The following ZNF670 variants were observed in gnomAD, a reference collection of about 807,000 sequenced individuals.
The protein encoded by ZNF670 is zinc finger protein 670.
A neutral mutation model predicts 10.9 loss-of-function variants in ZNF670; 7 were observed. The ratio of observed to expected loss-of-function variants is 0.64; its 90% CI spans 0.36 to 1.20. The LOEUF is 1.20. ZNF670 is among the 50% of genes most tolerant of loss of function. The pLI is 0.02. For synonymous variants in ZNF670, 136 were observed against 152.7 expected (o/e 0.89, Z 0.81); for missense variants, 446 against 458.6 (o/e 0.97, Z 0.25).
chr1:247,057,571 T>TG (rs1572565379), intron 1 of ZNF670, among the ~76,000 whole-genome samples: 1 of 152,164 alleles, frequency 6.6e-6, no homozygotes, highest in African/African-American at 2.4e-5. Context: ...AGCCAAGATT[T>TG]GGAAGCAACC....
intron 1 of ZNF670, among the ~76,000 whole-genome samples, chr1:247,075,025 T>C (rs915956659): frequency 2.0e-5 from 3 of 152,162 alleles, no homozygotes; most frequent in Non-Finnish European, 2.9e-5. Flanking sequence ...CTTCTCTCAA[T>C]ATAAAGAGCT....
chr1:247,056,377 C>G (rs1469849186), intron 1 of ZNF670, among the ~76,000 whole-genome samples: 1 of 152,140 alleles, frequency 6.6e-6, no homozygotes, highest in African/African-American at 2.4e-5. Flanking sequence ...AATAACAAGA[C>G]AACTTTTGTA....
At chr1:247,074,607 T>G (rs1671211316) in intron 1 of ZNF670, among the ~76,000 whole-genome samples, 1 of 152,186 alleles carries the variant, frequency 6.6e-6, no homozygotes, top group Admixed American at 6.6e-5. Context: ...AACACAGATT[T>G]TCCATGGATG....
rs181554535 is a variant in ZNF670 at position 247,049,160 on chromosome 1, G to A, written c.4-9623C>T. Reference sequence around the variant, plus strand: ...GTCATCCAGGCTGGAGTGCAGTGGTGCAATCTCAGCTCACTGCAACCTCCA... The same window carrying A: ...GTCATCCAGGCTGGAGTGCAGTGGTACAATCTCAGCTCACTGCAACCTCCA... On this transcript the variant is annotated intron_variant, in intron 1 of 3. Transcript: ENST00000366503. Among the ~76,000 whole-genome samples, 960 of 146,084 alleles carry A rather than the reference G, an allele frequency of 6.6e-3. 17 individuals carry two copies. Among genetic ancestry groups the A allele is most frequent in the African/African-American group, 0.023 (895 of 39,148 alleles).
chr1:247,045,504 G>A (rs886937519), intron 1 of ZNF670, among the ~76,000 whole-genome samples: 4 of 152,136 alleles, frequency 2.6e-5, no homozygotes, highest in African/African-American at 9.7e-5. Flanking sequence ...CATGTGGCTT[G>A]CCTGTTCCCC....
chr1:247,041,383 G>A (rs1670304410), intron 1 of ZNF670, among the ~76,000 whole-genome samples: 1 of 152,126 alleles, frequency 6.6e-6, no homozygotes, highest in African/African-American at 2.4e-5. Flanking sequence ...TTAAAAGTGA[G>A]AAAATAAGCA....
rs562122511 is a variant in ZNF670, at chr1:247,067,220, G to A, written c.3+11374C>T. Among the ~76,000 whole-genome samples the A allele has an allele frequency of 2.1e-3, 315 of 151,798 alleles. 2 individuals are homozygous for A. The highest frequency in any genetic ancestry group is 7.2e-3 in the African/African-American group (300 of 41,398). ...GGAAGCCAAGGTGGGTGGGTCACCTGAGGTCAGGAGTTCAAGACCAGCCTG... is the reference window on the plus strand; with the variant it reads ...GGAAGCCAAGGTGGGTGGGTCACCTAAGGTCAGGAGTTCAAGACCAGCCTG... On this transcript the variant is annotated intron_variant, in intron 1 of 3. Transcript: ENST00000366503.
In ZNF670 at chr1:247,037,112, T is replaced by A. The variant is rs904234108; in HGVS notation, c.*337A>T. On this transcript the variant is annotated 3_prime_UTR_variant, in exon 4 of 4. Transcript: ENST00000366503. ...TATGGCTTATAAAGTATCTGTGAAA[T>A]TCTCAGCTCCATGATTCCCTGCAAA... The A allele has an allele frequency of 4.9e-6, 1 of 205,124 alleles. No homozygotes were observed. The highest frequency in any genetic ancestry group is 2.3e-5 in the African/African-American group (1 of 43,104). 12.7% of individuals were successfully genotyped at this position (205,124 alleles called of 1,614,324 possible).
At chr1:247,074,368 G>C (rs1424538183) in intron 1 of ZNF670, among the ~76,000 whole-genome samples, 1 of 151,666 alleles carries the variant, frequency 6.6e-6, no homozygotes, top group Non-Finnish European at 1.5e-5. Context: ...AATGTTCTCT[G>C]ATCTAGAATC....
chr1:247,061,408 T>C (rs575380738), intron 1 of ZNF670, among the ~76,000 whole-genome samples: 6 of 151,918 alleles, frequency 3.9e-5, no homozygotes, highest in Non-Finnish European at 8.8e-5. Context: ...GTCTTGAACT[T>C]CTGACCTCCT....
At chr1:247,054,557 G>A (rs1670673824) in intron 1 of ZNF670, among the ~76,000 whole-genome samples, 1 of 152,240 alleles carries the variant, frequency 6.6e-6, no homozygotes, top group Non-Finnish European at 1.5e-5. Flanking sequence ...TGCTGGACCA[G>A]AAGGGAACCA....
intron 1 of ZNF670, among the ~76,000 whole-genome samples, chr1:247,072,868 A>AC (rs60581948): frequency 4.1e-5 from 6 of 145,496 alleles, no homozygotes; most frequent in African/African-American, 1.5e-4. Context: ...ACACACACAC[A>AC]AACATCTTTT....
At chr1:247,051,671 AG>A (rs1195338965) in intron 1 of ZNF670, among the ~76,000 whole-genome samples, 6 of 152,210 alleles carry the variant, frequency 3.9e-5, no homozygotes, top group African/African-American at 1.4e-4. Context: ...TAGCAAGGCC[AG>A]GGAAGTTTTC....
chr1:247,072,482 T>G (rs901358593), intron 1 of ZNF670, among the ~76,000 whole-genome samples: 1 of 151,050 alleles, frequency 6.6e-6, no homozygotes, highest in Non-Finnish European at 1.5e-5. Context: ...AATTAATATA[T>G]ACTTAAAAAA....
Position 247,078,762 on chromosome 1 carries a change from C to G in ZNF670, c.-166G>C, listed in dbSNP as rs1258597126. On this transcript the variant is annotated 5_prime_UTR_variant, in exon 1 of 4. Coordinates refer to ENST00000366503, the MANE Select transcript of ZNF670 (RefSeq NM_033213.5). Reference sequence around the variant, plus strand: ...CATTCGCGCTGCCCAACACAAAAGCCGCGCCAGGTCCCGGAAGCTGCTCCC... The same window carrying G: ...CATTCGCGCTGCCCAACACAAAAGCGGCGCCAGGTCCCGGAAGCTGCTCCC... 2.1e-5 allele frequency: 15 copies of G among 698,092 alleles called. No individual in the cohort carries two copies. In the South Asian group the frequency reaches 2.3e-4, roughly 11 times the overall value. 43.2% of individuals were successfully genotyped at this position (698,092 alleles called of 1,614,324 possible). A position where few individuals can be genotyped will look rare whatever the true frequency, so the allele number is the denominator to read the frequency against.
At chr1:247,056,673 A>G (rs990428745) in intron 1 of ZNF670, among the ~76,000 whole-genome samples, 1 of 152,160 alleles carries the variant, frequency 6.6e-6, no homozygotes, top group African/African-American at 2.4e-5. Flanking sequence ...AGGCTGAGGC[A>G]GGCGGATCAT....
chr1:247,067,617 C>T lies in ZNF670; in HGVS notation c.3+10977G>A, dbSNP rs542141247. On this transcript the variant is annotated intron_variant, in intron 1 of 3. Coordinates refer to ENST00000366503, the MANE Select transcript of ZNF670 (RefSeq NM_033213.5). ...CAGCACTTTGGGAGGCCGAGGCGGG[C>T]GGATCACGAGGTCAGGAGATCGAGA... is the stretch of plus-strand genomic sequence containing the variant. Among the ~76,000 whole-genome samples, 12 of 144,646 alleles carry T rather than the reference C, an allele frequency of 8.3e-5. No homozygotes were observed. The East Asian group carries it at 1.1e-3, about 13-fold the overall frequency. 94.9% of individuals were successfully genotyped at this position (144,646 alleles called of 152,430 possible).
Position 247,036,082 on chromosome 1 carries a change from CATAAT to C in ZNF670, c.*1362_*1366del, listed in dbSNP as rs1670142607. ...TGAAGACAAATTTCACCCAGATAACCATAATATATTTATATCTGAAAGCCAGTTAA... is the reference window on the plus strand; with the variant it reads ...TGAAGACAAATTTCACCCAGATAACCATATTTATATCTGAAAGCCAGTTAA... On this transcript the variant is annotated 3_prime_UTR_variant, in exon 4 of 4. Transcript: ENST00000366503. 6.6e-6 allele frequency among the ~76,000 whole-genome samples: 1 copy of C among 151,908 alleles called. No homozygotes were observed. The highest frequency in any genetic ancestry group is 6.6e-5 in the Admixed American group (1 of 15,244).
At chr1:247,070,979 C>T (rs753506941) in intron 1 of ZNF670, among the ~76,000 whole-genome samples, 5 of 152,094 alleles carry the variant, frequency 3.3e-5, no homozygotes, top group Admixed American at 6.6e-5. Context: ...CAGATGTTTG[C>T]GAGGTTGCAG....
Sources: allele counts gnomAD v4.1 joint callset (sites outside exome capture counted in the v4.1 genomes callset), GRCh38; gene constraint gnomAD v4.1.1; transcripts MANE v1.5; gene names NCBI Gene and HGNC (gene_info 2026-07-23, HGNC 2026-07-21).